SLIT3: variants seen among roughly 807,000 people sequenced by gnomAD.
SLIT3 encodes the protein slit guidance ligand 3.
Under a neutral mutation model 184.0 loss-of-function variants are expected in SLIT3, and 68 were observed. That is an observed-to-expected ratio of 0.37 (90% confidence interval 0.30 to 0.45). SLIT3 has a LOEUF of 0.45. SLIT3 is among the 20% of genes least tolerant of loss of function. SLIT3 has a pLI of 1.00. For missense variants in SLIT3, 1,707 were observed against 2,026.0 expected (o/e 0.84, Z 3.02); for synonymous variants, 831 against 828.6 (o/e 1.00, Z -0.05).
chr5:169,064,327 T>C (rs1278056249), intron 4 of SLIT3, among the ~76,000 whole-genome samples: 1 of 152,190 alleles, frequency 6.6e-6, no homozygotes, highest in East Asian at 1.9e-4. Context: ...GTGGTTGAAA[T>C]GGAAACTTGT....
At chr5:169,182,038 C>T (rs988680029) in intron 4 of SLIT3, among the ~76,000 whole-genome samples, 2 of 152,166 alleles carry the variant, frequency 1.3e-5, no homozygotes, top group Non-Finnish European at 2.9e-5. Context: ...AGAGGCCAAA[C>T]CATCAGTTCA....
rs370210394 is a variant in SLIT3 at position 168,972,337 on chromosome 5, A to ATATGTGTGTGTGTGTGTGTG, written c.414-89002_414-89001insCACACACACACACACACATA. On this transcript the variant is annotated intron_variant, in intron 4 of 35. Transcript: ENST00000519560. The stretch of plus-strand genomic sequence containing the variant: ...TGTTGATGGCTAGCTGCAGGACAAC[A>ATATGTGTGTGTGTGTGTGTG]TGTGTGTGTGTGTGTGTGTGTGTGT... Among the ~76,000 whole-genome samples, 12 of 118,330 alleles carry ATATGTGTGTGTGTGTGTGTG rather than the reference A, an allele frequency of 1.0e-4. No homozygotes were observed. In the East Asian group the frequency reaches 2.7e-3, roughly 27 times the overall value. The allele number at this position is 118,330 out of a possible 152,430, so 77.6% of individuals were successfully genotyped here.
chr5:168,856,474 T>G (rs1023574494), intron 5 of SLIT3, among the ~76,000 whole-genome samples: 10 of 152,166 alleles, frequency 6.6e-5, no homozygotes, highest in Non-Finnish European at 1.3e-4. Context: ...CACCTATTTT[T>G]GGGAATTATT....
rs116522156 is a variant in SLIT3 at position 168,915,027 on chromosome 5, G to C, written c.414-31691C>G. Among the ~76,000 whole-genome samples, 1,404 of 152,200 alleles carry C rather than the reference G, an allele frequency of 9.2e-3. 19 individuals carry two copies. The highest frequency in any genetic ancestry group is 0.032 in the African/African-American group (1,338 of 41,514). On this transcript the variant is annotated intron_variant, in intron 4 of 35. Coordinates refer to ENST00000519560, the MANE Select transcript of SLIT3 (RefSeq NM_003062.4). ...ATGAGTTCATAATAATACTCTAAAT[G>C]TGAAAGCAGGCAATACGTAATCTGT...
At chr5:168,958,709 G>C (rs1336206372) in intron 4 of SLIT3, among the ~76,000 whole-genome samples, 1 of 152,222 alleles carries the variant, frequency 6.6e-6, no homozygotes, top group South Asian at 2.1e-4. Context: ...GAGAGAAGAG[G>C]GTTTCGGGAA....
chr5:169,092,078 C>A (rs960272570), intron 4 of SLIT3, among the ~76,000 whole-genome samples: 2 of 152,160 alleles, frequency 1.3e-5, no homozygotes, highest in Non-Finnish European at 2.9e-5. Flanking sequence ...CACAAATTAG[C>A]CAGGCGTGGT....
intron 4 of SLIT3, among the ~76,000 whole-genome samples, chr5:168,937,564 T>C (rs1030224309): frequency 6.6e-6 from 1 of 151,980 alleles, no homozygotes; most frequent in Non-Finnish European, 1.5e-5. Flanking sequence ...AAGGGGGAGT[T>C]GGATCTAGAT....
intron 4 of SLIT3, among the ~76,000 whole-genome samples, chr5:169,083,911 T>C (rs912942169): frequency 2.0e-5 from 3 of 152,198 alleles, no homozygotes; most frequent in Non-Finnish European, 4.4e-5. Flanking sequence ...TTAGCTCTGC[T>C]TGCCTTTCTT....
At chr5:168,997,269 A>G (rs765220430) in intron 4 of SLIT3, among the ~76,000 whole-genome samples, 4 of 152,138 alleles carry the variant, frequency 2.6e-5, no homozygotes, top group African/African-American at 9.7e-5. Context: ...AGGGTTGGGA[A>G]GGGGCAAACA....
intron 4 of SLIT3, among the ~76,000 whole-genome samples, chr5:168,934,621 C>T (rs778642919): frequency 6.6e-6 from 1 of 152,022 alleles, no homozygotes; most frequent in Non-Finnish European, 1.5e-5. Context: ...AACTGACATG[C>T]AAGTTCAATC....
chr5:168,783,560 A>G (rs34310563), intron 12 of SLIT3, among the ~76,000 whole-genome samples: 13,623 of 152,282 alleles, frequency 0.089, 849 homozygotes, highest in Non-Finnish European at 0.13. Flanking sequence ...GCGAGTACCC[A>G]TAATTTGAGA....
chr5:169,201,119 G>T (rs1437180526), intron 3 of SLIT3, among the ~76,000 whole-genome samples: 2 of 152,344 alleles, frequency 1.3e-5, no homozygotes, highest in Admixed American at 1.3e-4. Context: ...GTTGACCTGA[G>T]ATTTGTCTTC....
Position 168,666,543 on chromosome 5 carries a change from G to A in SLIT3, c.4483C>T (p.Arg1495Trp), listed in dbSNP as rs1336810382. The change falls in exon 36 of 36, where the codon CGG (arginine) becomes TGG (tryptophan). Residue 1495 changes from arginine to tryptophan, a missense_variant. Transcript: ENST00000519560. ...QCCQPTRSKR[R>W]KYVFQCTDGS... ...TCCGTGCACTGGAAGACGTATTTCCGCCGCTTGCTGCGGGTGGGCTGGCAG... is the reference window on the plus strand; with the variant it reads ...TCCGTGCACTGGAAGACGTATTTCCACCGCTTGCTGCGGGTGGGCTGGCAG... 17 of 1,613,532 alleles carry A rather than the reference G, an allele frequency of 1.1e-5. No homozygotes were observed. In the African/African-American group the frequency reaches 1.2e-4, roughly 11 times the overall value.
At chr5:169,206,894 G>A (rs981632360) in intron 3 of SLIT3, among the ~76,000 whole-genome samples, 6 of 151,880 alleles carry the variant, frequency 4.0e-5, no homozygotes, top group Admixed American at 3.9e-4. Context: ...CAGGTCCAAG[G>A]TTTTTTTGTT....
chr5:169,016,107 G>A (rs1306785023), intron 4 of SLIT3, among the ~76,000 whole-genome samples: 1 of 152,138 alleles, frequency 6.6e-6, no homozygotes, highest in Admixed American at 6.5e-5. Flanking sequence ...GACCAGGGAA[G>A]CCAGCAAATT....
At chr5:169,132,267 C>T (rs1761329952) in intron 4 of SLIT3, among the ~76,000 whole-genome samples, 1 of 152,048 alleles carries the variant, frequency 6.6e-6, no homozygotes, top group Admixed American at 6.6e-5. Context: ...AGACAGGAAC[C>T]TCAAAGTAGT....
chr5:168,837,433 A>C (rs529672988), intron 6 of SLIT3, among the ~76,000 whole-genome samples: 1 of 152,338 alleles, frequency 6.6e-6, no homozygotes, highest in Admixed American at 6.5e-5. Flanking sequence ...GTTCCTTATT[A>C]AAATGAGAAA....
chr5:169,089,075 T>TCCAGTGGTA (rs1269583610), intron 4 of SLIT3, among the ~76,000 whole-genome samples: 2 of 131,190 alleles, frequency 1.5e-5, no homozygotes, highest in East Asian at 5.2e-4. Context: ...ACTCTGATTC[T>TCCAGTGGTA]CCAGTGGTAG....
chr5:168,722,113 G>A (rs2113368478), intron 23 of SLIT3, 143 bp downstream of exon 23: 3 of 700,276 alleles, frequency 4.3e-6, no homozygotes, highest in Non-Finnish European at 5.0e-6. Flanking sequence ...CTACTCCACT[G>A]AGCAAATAAG....
Sources: gnomAD v4.1 joint callset for allele counts (sites outside exome capture counted in the v4.1 genomes callset) on GRCh38, gnomAD v4.1.1 for gene constraint, MANE v1.5 for transcripts, NCBI Gene and HGNC (gene_info 2026-07-23, HGNC 2026-07-21) for gene names.